REELD1: variants seen among roughly 807,000 people sequenced by gnomAD.
The protein encoded by REELD1 is reeler domain containing 1.
A neutral mutation model predicts 6.3 loss-of-function variants in REELD1; 12 were observed. That is an observed-to-expected ratio of 1.89 (90% CI 1.21 to 3.07). REELD1 has a LOEUF of 3.07. Ranked by LOEUF, REELD1 falls within the 30% of genes most tolerant of loss-of-function variation. The pLI is 0.00. For missense variants in REELD1, 163 were observed against 86.8 expected (o/e 1.88, Z -3.49); for synonymous variants, 57 against 33.6 (o/e 1.70, Z -2.42).
At chr4:146,216,579 C>T (rs1031455460) in intron 2 of REELD1, among the ~76,000 whole-genome samples, 4 of 152,192 alleles carry the variant, frequency 2.6e-5, no homozygotes, top group Non-Finnish European at 4.4e-5. Context: ...GAGGCCACAC[C>T]GCCTTTGGGT....
rs528670408 is a variant in REELD1 at position 146,216,735 on chromosome 4, A to G, written c.-11-207A>G. Among the ~76,000 whole-genome samples the G allele has an allele frequency of 2.2e-4, 33 of 152,364 alleles. No homozygotes were observed. The South Asian group carries it at 6.8e-3, about 32-fold the overall frequency. On this transcript the variant is annotated intron_variant, in intron 2 of 7. Coordinates refer to ENST00000623665, the MANE Select transcript of REELD1 (RefSeq NM_001354631.1). ...GAAAATTACAAGAACAGAAGTTTTT[A>G]AAAAGGTGTTTGGAAATGAAACACT...
intron 4 of REELD1, among the ~76,000 whole-genome samples, chr4:146,222,792 C>G (rs1299147918): frequency 6.6e-6 from 1 of 152,158 alleles, no homozygotes; most frequent in African/African-American, 2.4e-5. Context: ...TCATCACTGT[C>G]CATGGGCCTA....
At chr4:146,229,487 TA>T (rs1201349235) in intron 7 of REELD1, among the ~76,000 whole-genome samples, 1 of 152,152 alleles carries the variant, frequency 6.6e-6, no homozygotes, top group Non-Finnish European at 1.5e-5. Context: ...GAACACAAAA[TA>T]AAACAAGGTG....
intron 3 of REELD1, among the ~76,000 whole-genome samples, chr4:146,217,895 A>G (rs1271907950): frequency 1.3e-5 from 2 of 152,244 alleles, no homozygotes; most frequent in Admixed American, 1.3e-4. Flanking sequence ...ATATCAAAAC[A>G]TCATGTTGTA....
chr4:146,223,349 G>A (rs756347522), intron 4 of REELD1, among the ~76,000 whole-genome samples: 17 of 152,096 alleles, frequency 1.1e-4, no homozygotes, highest in Non-Finnish European at 2.1e-4. Context: ...CTAGCTTGTG[G>A]TGTCCCTTCT....
At chr4:146,218,329 C>A (rs1009535175) in intron 3 of REELD1, among the ~76,000 whole-genome samples, 13 of 152,098 alleles carry the variant, frequency 8.5e-5, no homozygotes, top group Non-Finnish European at 1.8e-4. Flanking sequence ...TTACCTTGGA[C>A]CAAGCTTGGA....
At position 146,228,539 on chromosome 4, in the gene REELD1, G is replaced by T. The variant is rs748345805; in HGVS notation, c.908+17G>T. 4 of 681,164 alleles carry T rather than the reference G, an allele frequency of 5.9e-6. No homozygotes were observed. The South Asian group carries it at 6.2e-5, about 11-fold the overall frequency. 42.2% of individuals were successfully genotyped at this position (681,164 alleles called of 1,614,324 possible). On this transcript the variant is annotated intron_variant, in intron 6 of 7. Coordinates refer to ENST00000623665, the MANE Select transcript of REELD1 (RefSeq NM_001354631.1). ...CCATCACAGGTAAGGGTGATGGGTG[G>T]GCCATTCAGGACAGGTGATGGGACT...
intron 3 of REELD1, among the ~76,000 whole-genome samples, chr4:146,218,280 C>T (rs1328456688): frequency 6.6e-6 from 1 of 152,196 alleles, no homozygotes; most frequent in Non-Finnish European, 1.5e-5. Flanking sequence ...GCCCCGCCCC[C>T]ACTCCCCAAA....
At chr4:146,219,523 G>A (rs943575312) in intron 3 of REELD1, among the ~76,000 whole-genome samples, 1 of 152,190 alleles carries the variant, frequency 6.6e-6, no homozygotes, top group Non-Finnish European at 1.5e-5. Flanking sequence ...AAGTTCAAAT[G>A]TGTGGAAAAT....
In REELD1 at chr4:146,224,447, T is replaced by C; in HGVS notation, c.434T>C (p.Leu145Ser). 1.6e-6 allele frequency: 1 copy of C among 629,544 alleles called. No homozygotes were observed. The highest frequency in any genetic ancestry group is 2.9e-6 in the Non-Finnish European group (1 of 346,878). 39.0% of individuals were successfully genotyped at this position (629,544 alleles called of 1,614,324 possible). The stretch of plus-strand genomic sequence containing the variant: ...CTCTGCTCTTTCTCTTTCCCCAGTT[T>C]ATCAGTAGTCCAGTCATATTTTGTT... Reference protein sequence around the residue: ...AQPVGDIKFLLSVVQSYFVYW... With the variant: ...AQPVGDIKFLSSVVQSYFVYW... The change falls in exon 5 of 8, where the codon TTA becomes TCA. Residue 145 changes from leucine to serine, a missense_variant and splice_region_variant. Leu to Ser is a moderately radical substitution (Grantham distance 145). Coordinates refer to ENST00000623665, the MANE Select transcript of REELD1 (RefSeq NM_001354631.1).
chr4:146,215,640 C>A (rs987346624), intron 2 of REELD1, among the ~76,000 whole-genome samples: 9 of 128,136 alleles, frequency 7.0e-5, no homozygotes, highest in South Asian at 2.4e-4. Flanking sequence ...CAGCTGACTA[C>A]AGGGGAGGGC....
intron 5 of REELD1, among the ~76,000 whole-genome samples, chr4:146,227,222 A>G (rs576060554): frequency 1.3e-5 from 2 of 152,338 alleles, no homozygotes; most frequent in Admixed American, 1.3e-4. Flanking sequence ...AAATGCTCTT[A>G]GAGTTCAGGC....
chr4:146,217,198 C>G lies in REELD1; in HGVS notation c.208+38C>G, dbSNP rs546855902. 22 of 398,870 alleles carry G rather than the reference C, an allele frequency of 5.5e-5. No individual in the cohort carries two copies. The South Asian group carries it at 2.7e-3, about 49-fold the overall frequency. The allele number at this position is 398,870 out of a possible 1,614,324, so 24.7% of individuals were successfully genotyped here. ...GAGGCTTAGAGAGACTCCGAGGAGCCCCAGAGCCCCCATGGACCTTCCAGT... is the reference window on the plus strand; with the variant it reads ...GAGGCTTAGAGAGACTCCGAGGAGCGCCAGAGCCCCCATGGACCTTCCAGT... On this transcript the variant is annotated intron_variant, in intron 3 of 7. Transcript: ENST00000623665.
At chr4:146,226,796 A>G (rs1276570806) in intron 5 of REELD1, among the ~76,000 whole-genome samples, 4 of 152,208 alleles carry the variant, frequency 2.6e-5, no homozygotes, top group Non-Finnish European at 5.9e-5. Context: ...TTTGAGACAG[A>G]ATCTCTCTCT....
Position 146,224,602 on chromosome 4 carries a change from G to C in REELD1, c.589G>C (p.Ala197Pro), listed in dbSNP as rs1193222742. Residue 197 changes from alanine (A) to proline (P), a missense_variant, in exon 5 of 8, where the codon GCT becomes CCT. By Grantham distance (27) the Ala-to-Pro change is conservative. Coordinates refer to ENST00000623665, the MANE Select transcript of REELD1 (RefSeq NM_001354631.1). ...GAGGCTGGGCGATGTTGAAGGAGCTGCTCCAGGTACAGCTTGTCATTGTAT... is the reference window on the plus strand; with the variant it reads ...GAGGCTGGGCGATGTTGAAGGAGCTCCTCCAGGTACAGCTTGTCATTGTAT... ...HQRLGDVEGA[A>P]PAPRTPITLP... 1 of 702,004 alleles carries C rather than the reference G, an allele frequency of 1.4e-6. No homozygotes were observed. Among genetic ancestry groups the C allele is most frequent in the Admixed American group, 2.0e-5 (1 of 49,974 alleles). The allele number at this position is 702,004 out of a possible 1,614,324, so 43.5% of individuals were successfully genotyped here.
At chr4:146,225,237 T>G (rs1230682544) in intron 5 of REELD1, among the ~76,000 whole-genome samples, 1 of 152,228 alleles carries the variant, frequency 6.6e-6, no homozygotes, top group Non-Finnish European at 1.5e-5. Context: ...AGAGGCTGTT[T>G]GACCTATCTG....
intron 4 of REELD1, among the ~76,000 whole-genome samples, chr4:146,224,225 TCTC>T (rs1730977390): frequency 6.6e-6 from 1 of 152,210 alleles, no homozygotes; most frequent in African/African-American, 2.4e-5. Flanking sequence ...GTTCATATCA[TCTC>T]CTATTCTAAT....
intron 3 of REELD1, among the ~76,000 whole-genome samples, chr4:146,221,736 G>C (rs561077954): frequency 6.6e-6 from 1 of 152,134 alleles, no homozygotes; most frequent in African/African-American, 2.4e-5. Flanking sequence ...GTGCGTGCCT[G>C]TACTCCCAGC....
intron 3 of REELD1, among the ~76,000 whole-genome samples, chr4:146,220,762 C>A (rs1674005501): frequency 6.6e-6 from 1 of 152,218 alleles, no homozygotes; most frequent in Non-Finnish European, 1.5e-5. Context: ...TGAAGGGGAA[C>A]AGAATCACCA....
Sources: allele counts gnomAD v4.1 joint callset (sites outside exome capture counted in the v4.1 genomes callset), GRCh38; gene constraint gnomAD v4.1.1; transcripts MANE v1.5; gene names NCBI Gene and HGNC (gene_info 2026-07-23, HGNC 2026-07-21).